VPS53: variants seen among roughly 807,000 people sequenced by gnomAD.
The protein encoded by VPS53 is vacuolar protein sorting-associated protein 53 homolog.
A neutral mutation model predicts 107.0 loss-of-function variants in VPS53; 70 were observed. That is an observed-to-expected ratio of 0.65 (90% CI 0.54 to 0.80). The LOEUF (loss-of-function observed/expected upper bound fraction) is 0.80, where lower values mean the gene tolerates loss of function less well. VPS53 is among the 30% of genes least tolerant of loss of function. The probability of loss-of-function intolerance (pLI) is 0.00; values close to 1 mark genes in which losing one functional copy is unlikely to be tolerated. For missense variants in VPS53, 917 were observed against 1,049.4 expected, an observed-to-expected ratio of 0.87 and a Z score of 1.74; for synonymous variants, 409 against 393.3, an observed-to-expected ratio of 1.04 and a Z score of -0.47.
In VPS53 at chr17:522,125, G is replaced by A. The variant is rs116810662; in HGVS notation, c.2086-387C>T. Among the ~76,000 whole-genome samples the A allele has an allele frequency of 9.9e-3, 1,506 of 152,064 alleles. 28 individuals carry two copies. Among genetic ancestry groups the A allele is most frequent in the African/African-American group, 0.035 (1,435 of 41,456 alleles). Reference sequence around the variant, plus strand: ...AAAAATTAGCCAGGCGTGGGGGTGCGCATCTGTGGTCCCAGCTACTGAGGA... The same window carrying A: ...AAAAATTAGCCAGGCGTGGGGGTGCACATCTGTGGTCCCAGCTACTGAGGA... On this transcript the variant is annotated intron_variant, in intron 19 of 21. Transcript: ENST00000437048.
intron 11 of VPS53, among the ~76,000 whole-genome samples, chr17:615,638 A>C (rs1969102652): frequency 6.6e-6 from 1 of 152,208 alleles, no homozygotes; most frequent in African/African-American, 2.4e-5. Flanking sequence ...TTTCTATAAA[A>C]TCTGGCATAT....
At chr17:673,231 G>A (rs1206106792) in intron 4 of VPS53, among the ~76,000 whole-genome samples, 1 of 152,060 alleles carries the variant, frequency 6.6e-6, no homozygotes, top group African/African-American at 2.4e-5. Flanking sequence ...AGCCCTACAC[G>A]GAAGCCCTCA....
intron 11 of VPS53, among the ~76,000 whole-genome samples, chr17:604,416 T>C (rs111386600): frequency 1.3e-5 from 2 of 151,782 alleles, no homozygotes; most frequent in East Asian, 1.9e-4. Flanking sequence ...CTCTCGCCGG[T>C]GTAAAGCATC....
At chr17:579,171 C>A (rs4968178) in intron 13 of VPS53, among the ~76,000 whole-genome samples, 1 of 146,716 alleles carries the variant, frequency 6.8e-6, no homozygotes, top group South Asian at 2.2e-4. Context: ...GAACCTAATG[C>A]GTTCCCAGAG....
intron 3 of VPS53, among the ~76,000 whole-genome samples, chr17:698,603 T>C (rs1189978244): frequency 6.6e-6 from 1 of 151,494 alleles, no homozygotes; most frequent in Non-Finnish European, 1.5e-5. Context: ...CTCAGGAGGC[T>C]GAGGTGGGAG....
At chr17:711,047 A>G (rs958868858) in intron 1 of VPS53, among the ~76,000 whole-genome samples, 46 of 152,258 alleles carry the variant, frequency 3.0e-4, no homozygotes, top group African/African-American at 1.1e-3. Context: ...CCACATCTCT[A>G]CAAAAAAAAA....
intron 4 of VPS53, among the ~76,000 whole-genome samples, chr17:695,000 T>C (rs410157): frequency 0.52 from 79,564 of 152,148 alleles, 22,876 homozygotes; most frequent in Non-Finnish European, 0.64. Context: ...CCATTGTGCC[T>C]GGCTCAGTTG....
intron 17 of VPS53, among the ~76,000 whole-genome samples, chr17:549,219 T>A (rs184232590): frequency 8.2e-4 from 125 of 152,356 alleles, no homozygotes; most frequent in Non-Finnish European, 1.5e-3. Context: ...AAAGTTTTTT[T>A]AAATCCTAGA....
At chr17:711,984 T>C (rs753495948) in intron 1 of VPS53, among the ~76,000 whole-genome samples, 1 of 151,896 alleles carries the variant, frequency 6.6e-6, no homozygotes, top group African/African-American at 2.4e-5. Flanking sequence ...ACCCGGCTTA[T>C]TTTTTGTGTT....
chr17:649,562 G>A (rs1970847178), intron 7 of VPS53, among the ~76,000 whole-genome samples: 1 of 139,228 alleles, frequency 7.2e-6, no homozygotes, highest in Non-Finnish European at 1.6e-5. Context: ...ATCTTACACT[G>A]GAGGACAGAG....
Position 519,837 on chromosome 17 carries a change from G to A in VPS53, c.2317C>T (p.Leu773=). ...DCNTETFQKI[L]DMKGLKRSEQ... is the part of the protein sequence containing the mutation. ...GTCCCGGCACAAACCTTCATGTCCA[G>A]TATCTTCTGAAAGGTTTCTGTGTTG... The change falls in exon 21 of 22, where the codon CTG becomes TTG. Residue 773 remains leucine, a synonymous_variant. Coordinates refer to ENST00000437048, the MANE Select transcript of VPS53 (RefSeq NM_001128159.3). This position sits in a 1 kb window ranked among gnomAD's most constrained non-coding sequence, Gnocchi z 5.0. 6.4e-7 allele frequency: 1 copy of A among 1,550,974 alleles called. No homozygotes were observed. The highest frequency in any genetic ancestry group is 8.7e-7 in the Non-Finnish European group (1 of 1,146,300).
chr17:671,706 C>CTT (rs113856697), intron 4 of VPS53, among the ~76,000 whole-genome samples: 3,899 of 138,632 alleles, frequency 0.028, 81 homozygotes, highest in East Asian at 0.08. Flanking sequence ...TTTCCCATGA[C>CTT]TTTTTTTTTT....
At chr17:621,824 A>G (rs1025152010) in intron 11 of VPS53, among the ~76,000 whole-genome samples, 9 of 152,124 alleles carry the variant, frequency 5.9e-5, no homozygotes, top group Admixed American at 2.6e-4. Context: ...TCTTTTTCCA[A>G]AAGAACGTTG....
intron 1 of VPS53, among the ~76,000 whole-genome samples, chr17:710,998 G>A (rs1346182136): frequency 1.3e-5 from 2 of 152,134 alleles, no homozygotes; most frequent in African/African-American, 4.8e-5. Flanking sequence ...GATCGCTTGA[G>A]CTCAGGAGTT....
rs1908711928 is a variant in VPS53, at chr17:520,997, T to A, written c.2223+604A>T. Among the ~76,000 whole-genome samples the A allele has an allele frequency of 6.6e-6, 1 of 152,192 alleles. No individual in the cohort carries two copies. The highest frequency in any genetic ancestry group is 2.1e-4 in the South Asian group (1 of 4,836). ...GAGTCATCTGGTTTAGGAAGTGGCC[T>A]GAAGAGCCTACAGGTCCTGGGCTTT... On this transcript the variant is annotated intron_variant, in intron 20 of 21. Transcript: ENST00000437048. The surrounding 1 kb of genome is among the most constrained non-coding windows in gnomAD (Gnocchi z 4.4).
At chr17:689,929 C>T (rs1972721494) in intron 4 of VPS53, among the ~76,000 whole-genome samples, 2 of 152,142 alleles carry the variant, frequency 1.3e-5, no homozygotes, top group African/African-American at 2.4e-5. Flanking sequence ...TATTAACAGC[C>T]TCCTTTTTTG....
In VPS53 at chr17:519,261, A is replaced by G. The variant is rs1406356142; in HGVS notation, c.2366T>C (p.Leu789Pro). Reference sequence around the variant, plus strand: ...CGGTGCGGGGAGCCGCTGGCGCAGGAGTTCCAGCATGCTGCTCTGCTCACT... The same window carrying G: ...CGGTGCGGGGAGCCGCTGGCGCAGGGGTTCCAGCATGCTGCTCTGCTCACT... ...KRSEQSSMLELLRQRLPAPPS... is the reference protein window; with the variant it reads ...KRSEQSSMLEPLRQRLPAPPS... Residue 789 changes from leucine (L) to proline (P), a missense_variant, in exon 22 of 22, where the codon CTC becomes CCC. Leu to Pro is a moderately conservative substitution (Grantham distance 98). Coordinates refer to ENST00000437048, the MANE Select transcript of VPS53 (RefSeq NM_001128159.3). This position sits in a 1 kb window ranked among gnomAD's most constrained non-coding sequence, Gnocchi z 5.0. 5 of 1,537,268 alleles carry G rather than the reference A, an allele frequency of 3.3e-6. No individual in the cohort carries two copies. Among genetic ancestry groups the G allele is most frequent in the African/African-American group, 1.4e-5 (1 of 72,318 alleles).
At chr17:701,404 A>T (rs1973192577) in intron 2 of VPS53, among the ~76,000 whole-genome samples, 1 of 151,922 alleles carries the variant, frequency 6.6e-6, no homozygotes, top group South Asian at 2.1e-4. Flanking sequence ...TGTGTGATGG[A>T]GACTAGCTCT....
At chr17:698,713 C>A (rs1291120980) in intron 3 of VPS53, among the ~76,000 whole-genome samples, 2 of 149,686 alleles carry the variant, frequency 1.3e-5, no homozygotes, top group African/African-American at 2.5e-5. Context: ...GAAAAAAAAA[C>A]AGAAAAAAAG....
Sources: gnomAD v4.1 joint callset for allele counts (sites outside exome capture counted in the v4.1 genomes callset) on GRCh38, gnomAD v4.1.1 for gene constraint, Gnocchi (gnomAD v3.1) non-coding constraint, MANE v1.5 for transcripts, NCBI Gene and HGNC (gene_info 2026-07-23, HGNC 2026-07-21) for gene names.